Variants in NUDCD2 observed in about 807,000 individuals in gnomAD.
NUDCD2 encodes nudC domain-containing protein 2.
A neutral mutation model predicts 20.8 loss-of-function variants in NUDCD2; 16 were observed. The observed-to-expected ratio is 0.77, with a 90% CI of 0.52 to 1.17. The LOEUF is 1.17. NUDCD2 is among the 50% of genes most tolerant of loss of function. The probability of loss-of-function intolerance (pLI) is 0.00; values close to 1 mark genes in which losing one functional copy is unlikely to be tolerated. For synonymous variants in NUDCD2, 87 were observed against 72.8 expected (o/e 1.20, Z -1.00); for missense variants, 199 against 193.9 (o/e 1.03, Z -0.16).
At chr5:163,458,262 T>C (rs1360143170) in intron 1 of NUDCD2, among the ~76,000 whole-genome samples, 1 of 152,150 alleles carries the variant, frequency 6.6e-6, no homozygotes, top group Non-Finnish European at 1.5e-5. Context: ...ATTACAGGCA[T>C]GAGCTACCGC....
intron 1 of NUDCD2, among the ~76,000 whole-genome samples, chr5:163,457,965 C>T (rs1402293207): frequency 7.2e-6 from 1 of 138,052 alleles, no homozygotes; most frequent in Non-Finnish European, 1.6e-5. Context: ...CCTGCTAAAA[C>T]TAAAAAATGT....
chr5:163,459,080 T>C (rs996591866), intron 1 of NUDCD2: 8 of 152,206 alleles, frequency 5.3e-5, no homozygotes, highest in Non-Finnish European at 1.0e-4. Flanking sequence ...AACTACCTTA[T>C]CTTGTGGATA....
In NUDCD2 at chr5:163,447,296, C is replaced by T. The variant is rs1010716226; in HGVS notation, c.*6671G>A. 6.6e-6 allele frequency: 1 copy of T among 151,932 alleles called. No homozygotes were observed. The highest frequency in any genetic ancestry group is 1.5e-5 in the Non-Finnish European group (1 of 67,980). The allele number at this position is 151,932 out of a possible 1,614,324, so 9.4% of individuals were successfully genotyped here. On this transcript the variant is annotated 3_prime_UTR_variant, in exon 4 of 4. Coordinates refer to ENST00000302764, the MANE Select transcript of NUDCD2 (RefSeq NM_145266.6). ...GGGAGACCCTATCTCTACAAAAAATCAAAAATTAGCTAGGCATAGTGATAT... is the reference window on the plus strand; with the variant it reads ...GGGAGACCCTATCTCTACAAAAAATTAAAAATTAGCTAGGCATAGTGATAT...
chr5:163,457,256 C>T (rs1426439912), intron 2 of NUDCD2, among the ~76,000 whole-genome samples, 176 bp from the exon 3 acceptor site: 1 of 151,976 alleles, frequency 6.6e-6, no homozygotes, highest in Non-Finnish European at 1.5e-5. Flanking sequence ...CTCAGCCTCC[C>T]GACTAGCTGG....
At position 163,450,242 on chromosome 5, in the gene NUDCD2, CAG is replaced by C. The variant is rs1758144308; in HGVS notation, c.*3723_*3724del. 1 of 152,158 alleles carries C rather than the reference CAG, an allele frequency of 6.6e-6. No individual in the cohort carries two copies. The highest frequency in any genetic ancestry group is 1.5e-5 in the Non-Finnish European group (1 of 68,064). 9.4% of individuals were successfully genotyped at this position (152,158 alleles called of 1,614,324 possible). A position where few individuals can be genotyped will look rare whatever the true frequency, so the allele number is the denominator to read the frequency against. On this transcript the variant is annotated 3_prime_UTR_variant, in exon 4 of 4. Transcript: ENST00000302764. ...TGCCACTGCACCCCAGCCTGGGTGA[CAG>C]AGTGAGAATGTGAGTCAAAAAAAGA...
chr5:163,457,979 CTTTTTTTTTTTT>C (rs540496894), intron 1 of NUDCD2, among the ~76,000 whole-genome samples: 1 of 73,714 alleles, frequency 1.4e-5, no homozygotes, highest in Non-Finnish European at 2.3e-5. Flanking sequence ...AAAATGTTGT[CTTTTTTTTTTTT>C]TTTTTTTTTT....
At chr5:163,455,145 GAA>G (rs543151722) in intron 3 of NUDCD2, among the ~76,000 whole-genome samples, 1 of 115,052 alleles carries the variant, frequency 8.7e-6, no homozygotes, top group Admixed American at 8.7e-5. Context: ...AAGTGACACA[GAA>G]AAAAAAAAAA....
intron 1 of NUDCD2, among the ~76,000 whole-genome samples, chr5:163,458,821 C>A (rs567088153): frequency 6.6e-6 from 1 of 152,210 alleles, no homozygotes; most frequent in South Asian, 2.1e-4. Flanking sequence ...AATTTATAAT[C>A]GTAATCTAAA....
intron 3 of NUDCD2, 71 bp from the exon 4 acceptor site, chr5:163,454,121 G>A: frequency 1.5e-6 from 1 of 665,610 alleles, no homozygotes; most frequent in African/African-American, 1.9e-5. Flanking sequence ...ACTGGCAATT[G>A]ATAAAAAAGG....
At position 163,457,632 on chromosome 5, in the gene NUDCD2, T is replaced by G. The variant is rs767155473; in HGVS notation, c.190-22A>C. ...TGCCCTGAAAAATAAACATATAAGG[T>G]GCTAAAAATACAGAATTTAATTTTT... On this transcript the variant is annotated intron_variant, in intron 1 of 3. Transcript: ENST00000302764. The G allele has an allele frequency of 5.4e-6, 8 of 1,474,036 alleles. 1 individual carries two copies. In the Admixed American group the frequency reaches 1.2e-4, roughly 23 times the overall value. 91.3% of individuals were successfully genotyped at this position (1,474,036 alleles called of 1,614,324 possible). A position where few individuals can be genotyped will look rare whatever the true frequency, so the allele number is the denominator to read the frequency against.
rs150856027 is a variant in NUDCD2, at chr5:163,454,545, T to C, written c.391-495A>G. 6.0e-4 allele frequency among the ~76,000 whole-genome samples: 91 copies of C among 152,294 alleles called. 1 individual carries two copies. The East Asian group carries it at 0.015, about 26-fold the overall frequency. ...TAGTAGACACGGGGTTTCTCCATGTTGGTCAGGCTTGTCTTGAACTCCCAA... is the reference window on the plus strand; with the variant it reads ...TAGTAGACACGGGGTTTCTCCATGTCGGTCAGGCTTGTCTTGAACTCCCAA... On this transcript the variant is annotated intron_variant, in intron 3 of 3. Coordinates refer to ENST00000302764, the MANE Select transcript of NUDCD2 (RefSeq NM_145266.6).
In NUDCD2 at chr5:163,457,010, T is replaced by C. The variant is rs369487816; in HGVS notation, c.309A>G (p.Leu103=). ...GATCCGCTGCATATTCAGATTCTAGTAGAGAAGTCCAACAATTTGCTGCAT... is the reference window on the plus strand; with the variant it reads ...GATCCGCTGCATATTCAGATTCTAGCAGAGAAGTCCAACAATTTGCTGCAT... The part of the protein sequence containing the change: ...KRDAANCWTS[L]LESEYAADPW... The change falls in exon 3 of 4, where the codon CTA becomes CTG. Residue 103 remains leucine (L), a synonymous_variant. Coordinates refer to ENST00000302764, the MANE Select transcript of NUDCD2 (RefSeq NM_145266.6). 3 of 1,613,654 alleles carry C rather than the reference T, an allele frequency of 1.9e-6. No individual in the cohort carries two copies. In the African/African-American group the frequency reaches 4.0e-5, roughly 22 times the overall value.
At chr5:163,459,741 T>C in intron 1 of NUDCD2, 121 bp downstream of exon 1, 1 of 839,456 alleles carries the variant, frequency 1.2e-6, no homozygotes, top group Non-Finnish European at 1.8e-6. Context: ...TGGTCAGTGT[T>C]ATCCTCTTTC....
intron 1 of NUDCD2, among the ~76,000 whole-genome samples, chr5:163,457,905 T>C (rs1468075872): frequency 6.6e-6 from 1 of 151,364 alleles, no homozygotes; most frequent in Non-Finnish European, 1.5e-5. Context: ...GAAATTAATA[T>C]CTGAAATGCT....
chr5:163,454,619 G>A (rs1484085016), intron 3 of NUDCD2, among the ~76,000 whole-genome samples: 1 of 152,216 alleles, frequency 6.6e-6, no homozygotes, highest in Non-Finnish European at 1.5e-5. Context: ...GGGATTACAG[G>A]CGTGAGCCAT....
chr5:163,447,228 GATTGCTT>G lies in NUDCD2; in HGVS notation c.*6732_*6738del, dbSNP rs1437144826. The G allele has an allele frequency of 6.6e-6, 1 of 152,600 alleles. No homozygotes were observed. Among genetic ancestry groups the G allele is most frequent in the Non-Finnish European group, 1.5e-5 (1 of 68,050 alleles). 9.5% of individuals were successfully genotyped at this position (152,600 alleles called of 1,614,324 possible). On this transcript the variant is annotated 3_prime_UTR_variant, in exon 4 of 4. Transcript: ENST00000302764. ...ATGCTTTGGGAAGCCAAGGTGGGAG[GATTGCTT>G]GAGGCCAAGAGTTCAAGACCAGCCT...
rs1316701767 is a variant in NUDCD2 at position 163,450,293 on chromosome 5, T to A, written c.*3674A>T. 6.6e-6 allele frequency: 1 copy of A among 152,076 alleles called. No homozygotes were observed. Among genetic ancestry groups the A allele is most frequent in the Admixed American group, 6.6e-5 (1 of 15,260 alleles). The allele number at this position is 152,076 out of a possible 1,614,324, so 9.4% of individuals were successfully genotyped here. A position where few individuals can be genotyped will look rare whatever the true frequency, so the allele number is the denominator to read the frequency against. On this transcript the variant is annotated 3_prime_UTR_variant, in exon 4 of 4. Transcript: ENST00000302764. ...GAAAAAAGAAAAATTCCTCATGACC[T>A]GGGGTTAAGGTTCCTAGACATGACA...
chr5:163,459,426 GTTATTCTA>G (rs952060854), intron 1 of NUDCD2: 11 of 152,160 alleles, frequency 7.2e-5, no homozygotes, highest in African/African-American at 2.4e-4. Flanking sequence ...TTCTCTGCCC[GTTATTCTA>G]TCCCTATTTT....
chr5:163,457,069 T>C lies in NUDCD2; in HGVS notation c.250A>G (p.Met84Val), dbSNP rs1475331675. Residue 84 changes from methionine to valine, a missense_variant, in exon 3 of 4, where the codon ATG (methionine) becomes GTG (valine). By Grantham distance (21) the Met-to-Val change is conservative. Transcript: ENST00000302764. ...GTCTTTGTAAGAACAATACGAACCA[T>C]TTTTCTGTCCTCTAAAAAAAAAACA... Reference protein sequence around the residue: ...EGTWTLEDRKMVRIVLTKTKR... With the variant: ...EGTWTLEDRKVVRIVLTKTKR... The C allele has an allele frequency of 1.9e-6, 3 of 1,603,088 alleles. No individual in the cohort carries two copies. The highest frequency in any genetic ancestry group is 2.6e-6 in the Non-Finnish European group (3 of 1,176,388).
Sources: allele counts gnomAD v4.1 joint callset (sites outside exome capture counted in the v4.1 genomes callset), GRCh38; gene constraint gnomAD v4.1.1; transcripts MANE v1.5; gene names NCBI Gene and HGNC (gene_info 2026-07-23, HGNC 2026-07-21).